The following SYMPK variants were observed in gnomAD, a reference collection of about 807,000 sequenced individuals.
The protein encoded by SYMPK is symplekin scaffold protein, also known as symplekin.
In SYMPK, 49 loss-of-function variants were observed where a neutral mutation model predicts 136.4. That is an observed-to-expected ratio of 0.36 (90% CI 0.29 to 0.46). The LOEUF is 0.46. SYMPK is among the 20% of genes least tolerant of loss of function. The pLI is 1.00. For missense variants in SYMPK, 1,365 were observed against 1,690.0 expected (o/e 0.81, Z 3.37); for synonymous variants, 766 against 713.0 (o/e 1.07, Z -1.19).
intron 20 of SYMPK, 90 bp from the exon 21 acceptor site, chr19:45,822,936 G>C (rs749208069): frequency 9.0e-7 from 1 of 1,106,120 alleles, no homozygotes; most frequent in Non-Finnish European, 1.4e-6. Context: ...TCGCCCTGGG[G>C]AGCTGAGGGC....
intron 8 of SYMPK, 36 bp downstream of exon 8, chr19:45,843,994 G>C (rs756329773): frequency 1.1e-6 from 1 of 934,634 alleles, no homozygotes; most frequent in African/African-American, 1.8e-5. Context: ...GGCCAGTGAA[G>C]AGAAGGCAGG....
At chr19:45,825,099 G>T in intron 18 of SYMPK, 72 bp downstream of exon 18, 2 of 1,551,626 alleles carry the variant, frequency 1.3e-6, no homozygotes, top group Non-Finnish European at 8.7e-7. Context: ...GGAGCAGGTT[G>T]GGGAAGAGCT....
At chr19:45,857,358 T>A (rs1416555163) in intron 1 of SYMPK, among the ~76,000 whole-genome samples, 2 of 121,408 alleles carry the variant, frequency 1.6e-5, no homozygotes, top group African/African-American at 6.6e-5. Context: ...TGCAGTGAGC[T>A]GAGATCACAA....
Position 45,818,013 on chromosome 19 carries a change from G to T in SYMPK, c.3027C>A (p.Tyr1009Ter). The change falls in exon 23 of 27, where the codon TAC becomes TAA. Residue 1009 changes from tyrosine to a stop codon, truncating the protein, a stop_gained. Coordinates refer to ENST00000245934, the MANE Select transcript of SYMPK (RefSeq NM_004819.3). LOFTEE classifies it high-confidence loss of function. ...TCATGACGAAGCCCCCCAGGCGGGG[G>T]TACATGGTCAGGGACTGGATGACGG... ...MRTVIQSLTM[Y>*]PRLGGFVMNI... The T allele has an allele frequency of 6.3e-7, 1 of 1,580,958 alleles. No individual in the cohort carries two copies. Among genetic ancestry groups the T allele is most frequent in the Non-Finnish European group, 8.6e-7 (1 of 1,163,114 alleles).
chr19:45,833,319 G>T (rs1971229633), intron 11 of SYMPK, among the ~76,000 whole-genome samples: 1 of 152,038 alleles, frequency 6.6e-6, no homozygotes, highest in African/African-American at 2.4e-5. Flanking sequence ...GGTAAAACTA[G>T]GGCCGGGCGC....
intron 1 of SYMPK, among the ~76,000 whole-genome samples, chr19:45,857,652 C>T (rs933797422): frequency 2.6e-5 from 4 of 151,176 alleles, no homozygotes; most frequent in South Asian, 2.1e-4. Flanking sequence ...CCACCACGCC[C>T]GGCTAATTTT....
intron 14 of SYMPK, chr19:45,828,231 T>C (rs1971092029): frequency 1.5e-5 from 5 of 325,278 alleles, no homozygotes; most frequent in South Asian, 1.5e-4. Flanking sequence ...ATTTTAGATA[T>C]GGTGGCCTCA....
chr19:45,823,519 G>A lies in SYMPK; in HGVS notation c.2600-47C>T, dbSNP rs375443760. The A allele has an allele frequency of 1.3e-4, 199 of 1,543,210 alleles. 1 individual carries two copies. The highest frequency in any genetic ancestry group is 1.7e-4 in the Middle Eastern group (1 of 5,964). On this transcript the variant is annotated intron_variant, in intron 19 of 26. Transcript: ENST00000245934. ...CACCAAGTTGGAGGCGGAGGGGAGCGTGGGAAAGGGTGGGCACCCAGGAAA... is the reference window on the plus strand; with the variant it reads ...CACCAAGTTGGAGGCGGAGGGGAGCATGGGAAAGGGTGGGCACCCAGGAAA...
intron 12 of SYMPK, 94 bp downstream of exon 12, chr19:45,831,290 C>G (rs1971166447): frequency 2.2e-6 from 2 of 921,018 alleles, no homozygotes; most frequent in South Asian, 4.6e-5. Flanking sequence ...GTTACACACA[C>G]ACACGCACAC....
chr19:45,833,095 C>T (rs745837793), intron 11 of SYMPK, among the ~76,000 whole-genome samples: 3 of 150,972 alleles, frequency 2.0e-5, no homozygotes, highest in African/African-American at 7.3e-5. Flanking sequence ...CTCAACTACT[C>T]GGGAGGCTGA....
At chr19:45,857,644 A>T (rs1246490190) in intron 1 of SYMPK, among the ~76,000 whole-genome samples, 2 of 150,582 alleles carry the variant, frequency 1.3e-5, no homozygotes, top group African/African-American at 4.9e-5. Flanking sequence ...GGCGCCTGCC[A>T]CCACGCCCGG....
intron 13 of SYMPK, 97 bp downstream of exon 13, chr19:45,829,957 G>C (rs552369807): frequency 5.7e-6 from 8 of 1,392,508 alleles, no homozygotes; most frequent in Admixed American, 2.5e-5. Flanking sequence ...CCGCAGCCAG[G>C]GAGGTTTGAC....
At position 45,835,119 on chromosome 19, in the gene SYMPK, C is replaced by T; in HGVS notation, c.1352G>A (p.Arg451Gln). 1.9e-6 allele frequency: 3 copies of T among 1,612,632 alleles called. No individual in the cohort carries two copies. The highest frequency in any genetic ancestry group is 2.5e-6 in the Non-Finnish European group (3 of 1,179,162). Reference sequence around the variant, plus strand: ...AGCTGTCATCTGTGTGGCCATGAGCCGAGCCAGGTGCTTGATCTGGGCTTC... The same window carrying T: ...AGCTGTCATCTGTGTGGCCATGAGCTGAGCCAGGTGCTTGATCTGGGCTTC... ...GTEAQIKHLA[R>Q]LMATQMTAAG... The change falls in exon 11 of 27, where the codon CGG becomes CAG. Residue 451 changes from arginine (R) to glutamine (Q), a missense_variant. Coordinates refer to ENST00000245934, the MANE Select transcript of SYMPK (RefSeq NM_004819.3).
At position 45,825,191 on chromosome 19, in the gene SYMPK, G is replaced by A; in HGVS notation, c.2470C>T (p.Leu824=). The stretch of plus-strand genomic sequence containing the variant: ...CTCACCGGCTGCTCAATGACCCTCA[G>A]CACCGTCCGCTTGATGTCGGCGATG... The part of the protein sequence containing the change: ...EAIADIKRTV[L]RVIEQPIRGM... Residue 824 remains leucine (L), a synonymous_variant, in exon 18 of 27, where the codon CTG becomes TTG. Transcript: ENST00000245934. 2 of 1,613,870 alleles carry A rather than the reference G, an allele frequency of 1.2e-6. No homozygotes were observed. The highest frequency in any genetic ancestry group is 1.7e-6 in the Non-Finnish European group (2 of 1,179,958).
chr19:45,859,357 G>A (rs1004677214), intron 1 of SYMPK, among the ~76,000 whole-genome samples: 3 of 151,600 alleles, frequency 2.0e-5, no homozygotes, highest in African/African-American at 7.3e-5. Context: ...CAGCACTTTG[G>A]GAGGCCAAAG....
intron 13 of SYMPK, among the ~76,000 whole-genome samples, chr19:45,829,649 CA>C (rs1971123971): frequency 6.6e-6 from 1 of 152,142 alleles, no homozygotes; most frequent in South Asian, 2.1e-4. Flanking sequence ...GGGAAAAAGT[CA>C]CTTTTCCCCA....
chr19:45,815,738 C>G (rs1396232650), intron 26 of SYMPK, 41 bp from the exon 27 acceptor site: 6 of 1,601,134 alleles, frequency 3.7e-6, no homozygotes, highest in Non-Finnish European at 5.1e-6. Context: ...GTGGAGGGCG[C>G]GGTCACCTCC....
chr19:45,835,861 G>A (rs903368330), intron 10 of SYMPK, among the ~76,000 whole-genome samples: 3 of 151,760 alleles, frequency 2.0e-5, no homozygotes, highest in Admixed American at 6.6e-5. Context: ...GCAGTGAGCC[G>A]AGATCGCGCT....
intron 14 of SYMPK, 57 bp from the exon 15 acceptor site, chr19:45,827,975 G>C (rs1194879501): frequency 6.5e-7 from 1 of 1,550,370 alleles, no homozygotes; most frequent in South Asian, 1.1e-5. Context: ...CTGGCTCCCG[G>C]GCCCTGCTGA....
Sources: allele counts gnomAD v4.1 joint callset (sites outside exome capture counted in the v4.1 genomes callset), GRCh38; gene constraint gnomAD v4.1.1; transcripts MANE v1.5; gene names NCBI Gene and HGNC (gene_info 2026-07-23, HGNC 2026-07-21).